ASIP: variants seen among roughly 807,000 people sequenced by gnomAD.
ASIP encodes agouti-signaling protein.
A neutral mutation model predicts 10.3 loss-of-function variants in ASIP; 11 were observed. That is an observed-to-expected ratio of 1.07 (90% CI 0.68 to 1.78). The LOEUF is 1.78. Among genes scored for constraint, ASIP ranks in the 40% most tolerant of loss-of-function variants. The probability of loss-of-function intolerance (pLI) is 0.00; values close to 1 mark genes in which losing one functional copy is unlikely to be tolerated. For missense variants in ASIP, 180 were observed against 169.2 expected (o/e 1.06, Z -0.35); for synonymous variants, 70 against 70.8 (o/e 0.99, Z 0.06).
At chr20:34,254,034 G>C (rs1279925276) in intron 1 of ASIP, among the ~76,000 whole-genome samples, 2 of 152,046 alleles carry the variant, frequency 1.3e-5, no homozygotes, top group African/African-American at 4.8e-5. Flanking sequence ...ATTGCTGTCA[G>C]CATTATTGTC....
chr20:34,258,674 C>CATATATATATATATATAT (rs772655085), intron 1 of ASIP, among the ~76,000 whole-genome samples: 514 of 12,118 alleles, frequency 0.042, 82 homozygotes, highest in South Asian at 0.11. Flanking sequence ...AGGGGGATGC[C>CATATATATATATATATAT]ATATATATAT....
Position 34,227,437 on chromosome 20 carries a change from C to T in ASIP, c.-11+32677C>T, listed in dbSNP as rs530747933. Among the ~76,000 whole-genome samples the T allele has an allele frequency of 7.9e-4, 120 of 152,150 alleles. 1 individual carries two copies. The highest frequency in any genetic ancestry group is 3.4e-3 in the Middle Eastern group (1 of 294). ...CACGAGGTCAAGAGATCGAGACCAT[C>T]CTGGCCAACATGGTGAAACCCCATC... On this transcript the variant is annotated intron_variant, in intron 1 of 3. Transcript: ENST00000568305.
chr20:34,201,013 C>T (rs200827531), intron 1 of ASIP, among the ~76,000 whole-genome samples: 8,016 of 55,094 alleles, frequency 0.15, 551 homozygotes, highest in East Asian at 0.26. Context: ...TCCTTCCTTC[C>T]TTCCTTCTTT....
At chr20:34,203,817 A>G (rs150201677) in intron 1 of ASIP, among the ~76,000 whole-genome samples, 5,842 of 149,924 alleles carry the variant, frequency 0.039, 163 homozygotes, top group Non-Finnish European at 0.06. Context: ...TCTGCCTCCT[A>G]GGTTCAAGCA....
chr20:34,214,066 C>G, intron 1 of ASIP: 1 of 1,248,272 alleles, frequency 8.0e-7, no homozygotes, highest in Non-Finnish European at 1.2e-6. Flanking sequence ...AATCATCACT[C>G]CAACTGTCTC....
At chr20:34,235,857 G>A (rs2035185236) in intron 1 of ASIP, among the ~76,000 whole-genome samples, 2 of 45,402 alleles carry the variant, frequency 4.4e-5, no homozygotes, top group African/African-American at 6.7e-4. Context: ...AGGAAGGAAG[G>A]AAGGAAGGAA....
At chr20:34,256,919 C>T (rs1020340535) in intron 1 of ASIP, among the ~76,000 whole-genome samples, 3 of 152,026 alleles carry the variant, frequency 2.0e-5, no homozygotes, top group Non-Finnish European at 4.4e-5. Flanking sequence ...TAGCTGGGAA[C>T]ACAGTCTTGT....
intron 1 of ASIP, among the ~76,000 whole-genome samples, chr20:34,233,926 G>T (rs1383001597): frequency 6.6e-6 from 1 of 152,224 alleles, no homozygotes. Context: ...ACACTCTGCA[G>T]CCAGTCAACA....
intron 3 of ASIP, among the ~76,000 whole-genome samples, chr20:34,265,477 T>C (rs568736319): frequency 1.2e-4 from 19 of 152,196 alleles, no homozygotes; most frequent in African/African-American, 4.3e-4. Context: ...TGACTTGTGA[T>C]CATACCACTG....
At chr20:34,208,581 G>A (rs1158864809) in intron 1 of ASIP, among the ~76,000 whole-genome samples, 4 of 152,044 alleles carry the variant, frequency 2.6e-5, no homozygotes, top group Admixed American at 1.3e-4. Context: ...TCAAACTCCT[G>A]GGCTCAAGTG....
chr20:34,213,744 G>A, intron 1 of ASIP: 1 of 1,507,370 alleles, frequency 6.6e-7, no homozygotes, highest in Non-Finnish European at 9.2e-7. Flanking sequence ...TTCGATGAAG[G>A]AAAGTACAGA....
chr20:34,254,366 C>T (rs565394382), intron 1 of ASIP, among the ~76,000 whole-genome samples: 15 of 152,286 alleles, frequency 9.8e-5, no homozygotes, highest in African/African-American at 3.6e-4. Context: ...CCCGGCCTAG[C>T]ATTATTGTCC....
intron 3 of ASIP, among the ~76,000 whole-genome samples, chr20:34,263,524 C>T (rs140689343): frequency 8.0e-4 from 122 of 152,244 alleles, no homozygotes; most frequent in African/African-American, 2.8e-3. Flanking sequence ...TGAGCCATTG[C>T]ACTCCAGCCT....
upstream of ASIP, among the ~76,000 whole-genome samples, chr20:34,191,784 C>G (rs2034826053): frequency 7.2e-6 from 1 of 139,352 alleles, no homozygotes; most frequent in South Asian, 2.2e-4. Context: ...GGCTGGAGAG[C>G]AATGGCACAA....
intron 1 of ASIP, among the ~76,000 whole-genome samples, chr20:34,252,751 A>G (rs1057439860): frequency 1.3e-5 from 2 of 152,066 alleles, no homozygotes; most frequent in African/African-American, 4.8e-5. Flanking sequence ...GCCATATCTC[A>G]GGCTGTCTCA....
At chr20:34,197,547 C>T (rs1401838906) in intron 1 of ASIP, among the ~76,000 whole-genome samples, 2 of 152,170 alleles carry the variant, frequency 1.3e-5, no homozygotes, top group Admixed American at 6.5e-5. Context: ...AGCTACACCC[C>T]GTGTGCATCC....
In ASIP at chr20:34,241,502, G is replaced by GT. The variant is rs1372718739; in HGVS notation, c.-11+13_-11+14insT. ...TGCGGGAAAGCATGTGAGTTTAGATGGCAACTTTAATCTGCTTTCAGGAGT... is the reference window on the plus strand; with the variant it reads ...TGCGGGAAAGCATGTGAGTTTAGATGTGCAACTTTAATCTGCTTTCAGGAGT... On this transcript the variant is annotated intron_variant, in intron 1 of 3. Transcript: ENST00000374954. The GT allele has an allele frequency of 1.0e-6, 1 of 985,272 alleles. No individual in the cohort carries two copies. The highest frequency in any genetic ancestry group is 1.2e-6 in the Non-Finnish European group (1 of 829,928). The allele number at this position is 985,272 out of a possible 1,614,324, so 61.0% of individuals were successfully genotyped here.
At chr20:34,210,795 C>T (rs7263449) in intron 1 of ASIP, among the ~76,000 whole-genome samples, 11,770 of 152,148 alleles carry the variant, frequency 0.077, 1,520 homozygotes, top group African/African-American at 0.27. Context: ...CAGTTTTTCC[C>T]CATTTAGCAT....
At chr20:34,188,121 C>T in the ASIP span, among the ~76,000 whole-genome samples, 1 of 152,172 alleles carries the variant, frequency 6.6e-6, no homozygotes, top group Non-Finnish European at 1.5e-5. Context: ...CCCAGCATCC[C>T]GATATTTATT....
Sources: gnomAD v4.1 joint callset for allele counts (sites outside exome capture counted in the v4.1 genomes callset) on GRCh38, gnomAD v4.1.1 for gene constraint, MANE v1.5 for transcripts, NCBI Gene and HGNC (gene_info 2026-07-23, HGNC 2026-07-21) for gene names.